The following SIRPB1 variants were observed in gnomAD, a reference collection of about 807,000 sequenced individuals.
The protein encoded by SIRPB1 is signal-regulatory protein beta-1.
SIRPB1 carries 28 observed loss-of-function variants against 34.1 expected under a neutral mutation model. That is an observed-to-expected ratio of 0.82 (90% CI 0.61 to 1.12). The LOEUF (loss-of-function observed/expected upper bound fraction) is 1.12, where lower values mean the gene tolerates loss of function less well. SIRPB1 is among the 50% of genes most tolerant of loss of function. The pLI is 0.00. For synonymous variants in SIRPB1, 211 were observed against 203.8 expected, an observed-to-expected ratio of 1.04 and a Z score of -0.30; for missense variants, 499 against 507.0, an observed-to-expected ratio of 0.98 and a Z score of 0.15.
intron 5 of SIRPB1, among the ~76,000 whole-genome samples, 196 bp downstream of exon 5, chr20:1,565,957 C>T (rs1279732290): frequency 6.6e-6 from 1 of 152,076 alleles, no homozygotes; most frequent in South Asian, 2.1e-4. Context: ...CCTTGACCAT[C>T]CCAACTCCTG....
At chr20:1,588,487 TC>T in intron 1 of SIRPB1, 1 of 466,650 alleles carries the variant, frequency 2.1e-6, no homozygotes, top group Non-Finnish European at 2.9e-6. Flanking sequence ...TTGTCTGGAA[TC>T]CCCAAAGGTC....
rs2091093792 is a variant in SIRPB1, at chr20:1,563,186, A to G, written c.*2314T>C. On this transcript the variant is annotated 3_prime_UTR_variant, in exon 6 of 6. Transcript: ENST00000381605. ...AAACTTAGAAAGATGGCAAAACACC[A>G]AGGTATAATAGAAATGATGCTTGCT... Among the ~76,000 whole-genome samples, 1 of 152,222 alleles carries G rather than the reference A, an allele frequency of 6.6e-6. No homozygotes were observed.
Position 1,590,804 on chromosome 20 carries a change from C to T in SIRPB1, c.77-12110G>A, listed in dbSNP as rs542003075. Among the ~76,000 whole-genome samples, 6 of 49,014 alleles carry T rather than the reference C, an allele frequency of 1.2e-4. 3 individuals carry two copies. Among genetic ancestry groups the T allele is most frequent in the Admixed American group, 5.5e-4 (4 of 7,320 alleles). The allele number at this position is 49,014 out of a possible 152,430, so 32.2% of individuals were successfully genotyped here. ...GATAACTCCATCACGTGGGGTGGGG[C>T]TTTATTTCTGGAAAGATGGCAGTGC... On this transcript the variant is annotated intron_variant, in intron 1 of 5. Transcript: ENST00000381605.
In SIRPB1 at chr20:1,598,736, T is replaced by C. The variant is rs2091465084; in HGVS notation, c.77-20042A>G. 3 of 248,948 alleles carry C rather than the reference T, an allele frequency of 1.2e-5. 1 individual carries two copies. Among genetic ancestry groups the C allele is most frequent in the Admixed American group, 1.1e-4 (3 of 26,520 alleles). The allele number at this position is 248,948 out of a possible 1,614,324, so 15.4% of individuals were successfully genotyped here. ...CTTCTCTAAACTCCACTGACCCTGA[T>C]GCTGCATGATATGTGGGCTGGGCCC... On this transcript the variant is annotated intron_variant, in intron 1 of 5. Transcript: ENST00000381605.
intron 1 of SIRPB1, chr20:1,611,689 TG>T (rs1339074778): frequency 1.0e-6 from 1 of 986,484 alleles, no homozygotes; most frequent in Non-Finnish European, 1.4e-6. Flanking sequence ...CTGAATCACC[TG>T]CAGCTCTTCC....
In SIRPB1 at chr20:1,564,818, C is replaced by G. The variant is rs1444236604; in HGVS notation, c.*682G>C. 8 of 398,118 alleles carry G rather than the reference C, an allele frequency of 2.0e-5. No individual in the cohort carries two copies. Among genetic ancestry groups the G allele is most frequent in the Non-Finnish European group, 3.1e-5 (7 of 225,994 alleles). 24.7% of individuals were successfully genotyped at this position (398,118 alleles called of 1,614,324 possible). On this transcript the variant is annotated 3_prime_UTR_variant, in exon 6 of 6. Coordinates refer to ENST00000381605, the MANE Select transcript of SIRPB1 (RefSeq NM_006065.5). ...AAGTCCATTGTTAAACATTTACCAT[C>G]TCATGTAAGTGGACACATGCATTTT...
intron 1 of SIRPB1, among the ~76,000 whole-genome samples, chr20:1,618,213 C>G (rs2091659153): frequency 6.6e-6 from 1 of 152,192 alleles, no homozygotes; most frequent in Non-Finnish European, 1.5e-5. Context: ...TTTAGAAGTA[C>G]ATACATCACA....
Position 1,578,464 on chromosome 20 carries a change from A to G in SIRPB1, c.307T>C (p.Phe103Leu). The G allele has an allele frequency of 6.3e-7, 1 of 1,584,206 alleles. No homozygotes were observed. Among genetic ancestry groups the G allele is most frequent in the Non-Finnish European group, 8.6e-7 (1 of 1,157,962 alleles). The change falls in exon 2 of 6, where the codon TTT becomes CTT. Residue 103 changes from phenylalanine to leucine, a missense_variant. Coordinates refer to ENST00000381605, the MANE Select transcript of SIRPB1 (RefSeq NM_006065.5). ...GTGATGTTACTGATGCTGATGGAAA[A>G]GTCCAGGTTGTTTCTCTTTGTGAGT... Reference protein sequence around the residue: ...SELTKRNNLDFSISISNITPA... With the variant: ...SELTKRNNLDLSISISNITPA...
rs570094440 is a variant in SIRPB1, at chr20:1,610,295, C to T, written c.76+9574G>A. 3.2e-4 allele frequency among the ~76,000 whole-genome samples: 23 copies of T among 72,632 alleles called. 7 individuals carry two copies. In the East Asian group the frequency reaches 0.011, roughly 36 times the overall value. The allele number at this position is 72,632 out of a possible 152,430, so 47.6% of individuals were successfully genotyped here. On this transcript the variant is annotated intron_variant, in intron 1 of 5. Transcript: ENST00000381605. The stretch of plus-strand genomic sequence containing the variant: ...GCACCAGGCTCTTCTATGGAGACAG[C>T]GTCTAACGCTGGGGAAGGAAGGAGA...
At position 1,561,463 on chromosome 20, in the gene SIRPB1, G is replaced by A. The variant is rs1454287163; in HGVS notation, c.*4037C>T. Among the ~76,000 whole-genome samples the A allele has an allele frequency of 6.6e-6, 1 of 152,036 alleles. No individual in the cohort carries two copies. The highest frequency in any genetic ancestry group is 1.5e-5 in the Non-Finnish European group (1 of 68,000). On this transcript the variant is annotated 3_prime_UTR_variant, in exon 6 of 6. Transcript: ENST00000381605. ...TTTTTCTCTTCCAGCATCCCATCCA[G>A]GATACCTGTTACATTTACTTGTCAT...
At chr20:1,619,670 C>A (rs958084103) in intron 1 of SIRPB1, among the ~76,000 whole-genome samples, 199 bp downstream of exon 1, 2 of 152,176 alleles carry the variant, frequency 1.3e-5, no homozygotes, top group Non-Finnish European at 2.9e-5. Flanking sequence ...GTTGAATCGT[C>A]CTGTGGTTCA....
chr20:1,599,903 G>T (rs1568698169), intron 1 of SIRPB1, among the ~76,000 whole-genome samples: 1 of 50,512 alleles, frequency 2.0e-5, no homozygotes, highest in African/African-American at 1.3e-4. Context: ...AGGACACGTT[G>T]TGTCCCTTCC....
At position 1,591,239 on chromosome 20, in the gene SIRPB1, G is replaced by T. The variant is rs192105963; in HGVS notation, c.77-12545C>A. Among the ~76,000 whole-genome samples, 8 of 48,750 alleles carry T rather than the reference G, an allele frequency of 1.6e-4. 3 individuals carry two copies. The highest frequency in any genetic ancestry group is 2.7e-4 in the African/African-American group (2 of 7,410). The allele number at this position is 48,750 out of a possible 152,430, so 32.0% of individuals were successfully genotyped here. On this transcript the variant is annotated intron_variant, in intron 1 of 5. Coordinates refer to ENST00000381605, the MANE Select transcript of SIRPB1 (RefSeq NM_006065.5). ...GGGATCATGTGGGGAAATCCCTTAG[G>T]ATTCAGCACAGAGACACACCTAAAC...
rs1421658601 is a variant in SIRPB1, at chr20:1,589,712, A to G, written c.77-11018T>C. Among the ~76,000 whole-genome samples the G allele has an allele frequency of 1.2e-4, 6 of 48,226 alleles. 3 individuals carry two copies. Among genetic ancestry groups the G allele is most frequent in the Non-Finnish European group, 2.4e-4 (6 of 25,196 alleles). 31.6% of individuals were successfully genotyped at this position (48,226 alleles called of 152,430 possible). On this transcript the variant is annotated intron_variant, in intron 1 of 5. Transcript: ENST00000381605. ...GAGTGGTGCTTTTGAATGAATCCCT[A>G]CTACATGGTGAATTGCCCACCAGTG...
chr20:1,569,188 T>C (rs774783013), intron 4 of SIRPB1, among the ~76,000 whole-genome samples: 1 of 152,232 alleles, frequency 6.6e-6, no homozygotes, highest in Non-Finnish European at 1.5e-5. Flanking sequence ...ATTGAATCTA[T>C]GATTATAAAA....
rs190051092 is a variant in SIRPB1 at position 1,576,296 on chromosome 20, A to G, written c.433+2042T>C. ...GGGGAGCTGATTTCAGTCATTACTG[A>G]GCAATGTACATTTTCATGTACATAC... On this transcript the variant is annotated intron_variant, in intron 2 of 5. Coordinates refer to ENST00000381605, the MANE Select transcript of SIRPB1 (RefSeq NM_006065.5). Among the ~76,000 whole-genome samples, 12 of 148,228 alleles carry G rather than the reference A, an allele frequency of 8.1e-5. 2 individuals are homozygous for G. The highest frequency in any genetic ancestry group is 1.8e-4 in the Non-Finnish European group (12 of 66,142).
At position 1,603,656 on chromosome 20, in the gene SIRPB1, T is replaced by C. The variant is rs537850757; in HGVS notation, c.76+16213A>G. 4.0e-5 allele frequency among the ~76,000 whole-genome samples: 2 copies of C among 49,806 alleles called. 1 individual carries two copies. Among genetic ancestry groups the C allele is most frequent in the East Asian group, 1.1e-3 (2 of 1,750 alleles). 32.7% of individuals were successfully genotyped at this position (49,806 alleles called of 152,430 possible). A position where few individuals can be genotyped will look rare whatever the true frequency, so the allele number is the denominator to read the frequency against. ...GTCAGGTTGTACCTCAAACTTTTAATAGTGATGACTCTTGGAGGGTGAGAT... is the reference window on the plus strand; with the variant it reads ...GTCAGGTTGTACCTCAAACTTTTAACAGTGATGACTCTTGGAGGGTGAGAT... On this transcript the variant is annotated intron_variant, in intron 1 of 5. Transcript: ENST00000381605.
At chr20:1,568,153 C>T (rs759093759) in intron 4 of SIRPB1, among the ~76,000 whole-genome samples, 11 of 152,170 alleles carry the variant, frequency 7.2e-5, no homozygotes, top group Admixed American at 2.6e-4. Flanking sequence ...TATAAATATC[C>T]TCCCCAAGCC....
chr20:1,566,885 G>C (rs1445637511), intron 4 of SIRPB1, among the ~76,000 whole-genome samples: 2 of 152,028 alleles, frequency 1.3e-5, no homozygotes, highest in Admixed American at 6.5e-5. Flanking sequence ...AAACCTGCTG[G>C]CTGGAAAATT....
Sources: gnomAD v4.1 joint callset for allele counts (sites outside exome capture counted in the v4.1 genomes callset) on GRCh38, gnomAD v4.1.1 for gene constraint, MANE v1.5 for transcripts, NCBI Gene and HGNC (gene_info 2026-07-23, HGNC 2026-07-21) for gene names.